EIF3H: variants seen among roughly 807,000 people sequenced by gnomAD.
EIF3H encodes the protein eIF-3-gamma.
Under a neutral mutation model 44.2 loss-of-function variants are expected in EIF3H, and 26 were observed. The ratio of observed to expected loss-of-function variants is 0.59; its 90% CI spans 0.43 to 0.82. The LOEUF is 0.82. Among genes scored for constraint, EIF3H ranks in the 40% least tolerant of loss-of-function variants. The probability of loss-of-function intolerance (pLI) is 0.00; values close to 1 mark genes in which losing one functional copy is unlikely to be tolerated. For missense variants in EIF3H, 359 were observed against 432.8 expected (o/e 0.83, Z 1.51); for synonymous variants, 166 against 151.9 (o/e 1.09, Z -0.68).
At chr8:116,700,654 A>C (rs910703784) in intron 2 of EIF3H, among the ~76,000 whole-genome samples, 1 of 152,246 alleles carries the variant, frequency 6.6e-6, no homozygotes, top group Non-Finnish European at 1.5e-5. Context: ...CAAGCAACAT[A>C]AAGAAAAGAA....
At chr8:116,686,522 T>C (rs1354919480) in intron 2 of EIF3H, among the ~76,000 whole-genome samples, 2 of 152,138 alleles carry the variant, frequency 1.3e-5, no homozygotes, top group African/African-American at 4.8e-5. Flanking sequence ...TCTGCCAGTA[T>C]TTCCTGAGCA....
At chr8:116,758,876 T>G (rs531638221), upstream of EIF3H, among the ~76,000 whole-genome samples, 1 of 152,328 alleles carries the variant, frequency 6.6e-6, no homozygotes, top group African/African-American at 2.4e-5. Flanking sequence ...GATACATCAG[T>G]GCTGAGAAAG....
chr8:116,687,691 A>G (rs1168430549), intron 2 of EIF3H, among the ~76,000 whole-genome samples: 6 of 152,178 alleles, frequency 3.9e-5, no homozygotes, highest in Non-Finnish European at 2.9e-5. Flanking sequence ...ATAATTTTCA[A>G]ATCTATGGTA....
At chr8:116,757,048 C>T (rs1246317898), upstream of EIF3H, among the ~76,000 whole-genome samples, 1 of 152,216 alleles carries the variant, frequency 6.6e-6, no homozygotes, top group Non-Finnish European at 1.5e-5. Flanking sequence ...TATCCTACAA[C>T]ATACATAACA....
chr8:116,682,703 A>G (rs1232225354), intron 2 of EIF3H, among the ~76,000 whole-genome samples: 1 of 152,244 alleles, frequency 6.6e-6, no homozygotes, highest in African/African-American at 2.4e-5. Flanking sequence ...GGTTATACAG[A>G]GTAGTATGTA....
intron 1 of EIF3H, among the ~76,000 whole-genome samples, chr8:116,729,336 GAAGAA>G (rs1389441597): frequency 6.6e-6 from 1 of 152,122 alleles, no homozygotes; most frequent in Admixed American, 6.5e-5. Flanking sequence ...TTCCAGTTAT[GAAGAA>G]AATAGCAATA....
intron 1 of EIF3H, among the ~76,000 whole-genome samples, chr8:116,736,767 C>A (rs1169473950): frequency 1.3e-5 from 2 of 152,114 alleles, no homozygotes; most frequent in East Asian, 1.9e-4. Flanking sequence ...GCGCTGACTC[C>A]CAATTTTACT....
At chr8:116,729,418 A>C (rs1338877081) in intron 1 of EIF3H, among the ~76,000 whole-genome samples, 1 of 152,246 alleles carries the variant, frequency 6.6e-6, no homozygotes, top group African/African-American at 2.4e-5. Flanking sequence ...TCTTAACTCT[A>C]ACAAAAGTGA....
rs1563633820 is a variant in EIF3H at position 116,656,048 on chromosome 8, T to C, written c.558-43A>G. Reference sequence around the variant, plus strand: ...AATACTTTAGTCTGATGGTCAAAAGTAAGTGCTAAACTGACTACTTCATAA... The same window carrying C: ...AATACTTTAGTCTGATGGTCAAAAGCAAGTGCTAAACTGACTACTTCATAA... On this transcript the variant is annotated intron_variant, in intron 4 of 7. Coordinates refer to ENST00000521861, the MANE Select transcript of EIF3H (RefSeq NM_003756.3). 5 of 1,598,076 alleles carry C rather than the reference T, an allele frequency of 3.1e-6. No individual in the cohort carries two copies. In the South Asian group the frequency reaches 3.3e-5, roughly 11 times the overall value.
intron 2 of EIF3H, among the ~76,000 whole-genome samples, chr8:116,681,160 C>T (rs190318554): frequency 1.9e-3 from 293 of 152,020 alleles, no homozygotes; most frequent in Non-Finnish European, 3.1e-3. Context: ...ATCAGGAGTT[C>T]GAGACCAGCC....
intron 2 of EIF3H, among the ~76,000 whole-genome samples, chr8:116,713,414 T>C (rs1586471211): frequency 6.6e-6 from 1 of 152,236 alleles, no homozygotes; most frequent in Non-Finnish European, 1.5e-5. Flanking sequence ...AAGTATATCC[T>C]TTCATGCACA....
intron 2 of EIF3H, among the ~76,000 whole-genome samples, chr8:116,722,487 C>A (rs554932014): frequency 1.2e-4 from 19 of 152,290 alleles, no homozygotes; most frequent in African/African-American, 4.1e-4. Context: ...CCCCTCTATA[C>A]CTCCCCTTCC....
chr8:116,651,124 TCTGAAAAGGG>T (rs566576540), intron 5 of EIF3H, among the ~76,000 whole-genome samples: 195 of 152,168 alleles, frequency 1.3e-3, no homozygotes, highest in Non-Finnish European at 2.3e-3. Flanking sequence ...AAAGTGTACA[TCTGAAAAGGG>T]TTTAAATGGT....
chr8:116,707,321 GA>G (rs1273831446), intron 2 of EIF3H, among the ~76,000 whole-genome samples: 1 of 152,104 alleles, frequency 6.6e-6, no homozygotes, highest in African/African-American at 2.4e-5. Flanking sequence ...TTTCTGAATT[GA>G]AAAACCTTAA....
rs1323553333 is a variant in EIF3H at position 116,751,199 on chromosome 8, G to A, written c.132+4467C>T. Reference sequence around the variant, plus strand: ...TGCACTCCAGCCTGGGCGACAGAGCGAGACTCCGTCTCAAAAAAAAAATAA... The same window carrying A: ...TGCACTCCAGCCTGGGCGACAGAGCAAGACTCCGTCTCAAAAAAAAAATAA... On this transcript the variant is annotated intron_variant, in intron 1 of 7. Coordinates refer to ENST00000521861, the MANE Select transcript of EIF3H (RefSeq NM_003756.3). 6.7e-5 allele frequency among the ~76,000 whole-genome samples: 10 copies of A among 149,036 alleles called. No individual in the cohort carries two copies. The South Asian group carries it at 1.7e-3, about 25-fold the overall frequency.
intron 2 of EIF3H, among the ~76,000 whole-genome samples, chr8:116,664,658 G>C (rs1313231314): frequency 3.9e-5 from 6 of 152,124 alleles, no homozygotes; most frequent in Admixed American, 3.9e-4. Context: ...TAAAAATGGA[G>C]CTTATTCAAA....
At chr8:116,694,368 A>G (rs985691750) in intron 2 of EIF3H, among the ~76,000 whole-genome samples, 2 of 152,180 alleles carry the variant, frequency 1.3e-5, no homozygotes, top group African/African-American at 4.8e-5. Context: ...GTTGGGCATC[A>G]TTTTACACAT....
intron 1 of EIF3H, among the ~76,000 whole-genome samples, chr8:116,749,659 T>A (rs922817493): frequency 6.6e-6 from 1 of 152,170 alleles, no homozygotes; most frequent in African/African-American, 2.4e-5. Flanking sequence ...TTTTAACTCA[T>A]CTGTATTTGT....
intron 2 of EIF3H, among the ~76,000 whole-genome samples, chr8:116,692,013 CTTCCCT>C (rs761517206): frequency 0.17 from 26,112 of 152,238 alleles, 3,311 homozygotes; most frequent in African/African-American, 0.36. Flanking sequence ...CTAATACAAA[CTTCCCT>C]CTTCCCAAAT....
Sources: allele counts gnomAD v4.1 joint callset (sites outside exome capture counted in the v4.1 genomes callset), GRCh38; gene constraint gnomAD v4.1.1; transcripts MANE v1.5; gene names NCBI Gene and HGNC (gene_info 2026-07-23, HGNC 2026-07-21).